The following ZNF365 variants were observed in gnomAD, a reference collection of about 807,000 sequenced individuals.
ZNF365 encodes the protein zinc finger protein 365.
ZNF365 carries 22 observed loss-of-function variants against 35.0 expected under a neutral mutation model. The observed-to-expected ratio is 0.63, with a 90% CI of 0.45 to 0.90. The LOEUF is 0.90. Ranked by LOEUF, ZNF365 falls within the 40% of genes least tolerant of loss-of-function variation. ZNF365 has a pLI of 0.00. For synonymous variants in ZNF365, 188 were observed against 196.2 expected, an observed-to-expected ratio of 0.96 and a Z score of 0.35; for missense variants, 448 against 500.3, an observed-to-expected ratio of 0.90 and a Z score of 1.00.
chr10:62,408,203 C>A (rs998809538), intron 3 of ZNF365, among the ~76,000 whole-genome samples: 1 of 152,092 alleles, frequency 6.6e-6, no homozygotes, highest in East Asian at 1.9e-4. Flanking sequence ...CACATGGGAA[C>A]AACCATGAAG....
intron 2 of ZNF365, among the ~76,000 whole-genome samples, chr10:62,388,156 C>G (rs1223060461): frequency 6.6e-6 from 1 of 152,194 alleles, no homozygotes; most frequent in African/African-American, 2.4e-5. Context: ...TTTCAATTTT[C>G]TTAGCACTTA....
intron 2 of ZNF365, among the ~76,000 whole-genome samples, chr10:62,384,260 AC>A (rs764470084): frequency 6.6e-6 from 1 of 152,120 alleles, no homozygotes; most frequent in Non-Finnish European, 1.5e-5. Context: ...TCCAGCTTTC[AC>A]ACTGTATTCT....
intron 2 of ZNF365, among the ~76,000 whole-genome samples, chr10:62,377,340 G>A (rs911740802): frequency 3.9e-5 from 6 of 152,180 alleles, no homozygotes; most frequent in African/African-American, 1.2e-4. Context: ...TAAAGTCAAT[G>A]CAAGATGCTG....
intron 3 of ZNF365, among the ~76,000 whole-genome samples, chr10:62,444,853 C>T (rs1589457223): frequency 6.6e-6 from 1 of 151,976 alleles, no homozygotes; most frequent in East Asian, 1.9e-4. Flanking sequence ...TATACATGTG[C>T]CATGCTGGTG....
intron 4 of ZNF365, among the ~76,000 whole-genome samples, chr10:62,473,393 T>C (rs894985761): frequency 1.3e-5 from 2 of 152,324 alleles, no homozygotes; most frequent in Admixed American, 1.3e-4. Context: ...TTTGCTGTTC[T>C]TATAGTTCCC....
intron 1 of ZNF365, 27 bp from the exon 2 acceptor site, chr10:62,376,154 G>A (rs764862837): frequency 1.9e-6 from 3 of 1,605,650 alleles, no homozygotes; most frequent in South Asian, 1.1e-5. Flanking sequence ...CAGCCGACTT[G>A]TAAACTACCT....
chr10:62,388,714 G>C (rs1341641704), intron 3 of ZNF365, 138 bp downstream of exon 3: 1 of 1,074,438 alleles, frequency 9.3e-7, no homozygotes, highest in Non-Finnish European at 1.3e-6. Context: ...GGCCATGCCT[G>C]TATTGTGGAA....
At chr10:62,393,631 T>A (rs1356895055) in intron 3 of ZNF365, among the ~76,000 whole-genome samples, 4 of 152,230 alleles carry the variant, frequency 2.6e-5, no homozygotes, top group African/African-American at 4.8e-5. Context: ...CATAAATACA[T>A]GCACAAAAAT....
intron 4 of ZNF365, among the ~76,000 whole-genome samples, chr10:62,476,742 A>T (rs1200444126): frequency 6.6e-6 from 1 of 152,236 alleles, no homozygotes; most frequent in African/African-American, 2.4e-5. Context: ...GCTTGATCTG[A>T]ATTGTTTTTA....
chr10:62,478,298 C>G (rs2132497355), intron 4 of ZNF365, among the ~76,000 whole-genome samples: 1 of 152,306 alleles, frequency 6.6e-6, no homozygotes, highest in South Asian at 2.1e-4. Flanking sequence ...CCACCAGTCT[C>G]TGTTGATTCT....
intron 2 of ZNF365, among the ~76,000 whole-genome samples, chr10:62,379,064 C>G (rs1839385328): frequency 6.8e-6 from 1 of 147,532 alleles, no homozygotes; most frequent in African/African-American, 2.5e-5. Flanking sequence ...ACTTTGTCAC[C>G]CAGGCTGGAG....
At chr10:62,404,166 G>T (rs1258036721), downstream of ZNF365, among the ~76,000 whole-genome samples, 1 of 152,136 alleles carries the variant, frequency 6.6e-6, no homozygotes, top group Non-Finnish European at 1.5e-5. Context: ...ATATAGGCAG[G>T]CTAGATTCTC....
intron 2 of ZNF365, among the ~76,000 whole-genome samples, chr10:62,387,353 A>G (rs1252236363): frequency 2.0e-5 from 3 of 152,176 alleles, no homozygotes; most frequent in African/African-American, 7.2e-5. Flanking sequence ...GATGGCTACC[A>G]AGATAATGGT....
At chr10:62,414,672 T>A (rs1840044611) in intron 3 of ZNF365, among the ~76,000 whole-genome samples, 2 of 152,218 alleles carry the variant, frequency 1.3e-5, no homozygotes, top group African/African-American at 4.8e-5. Context: ...CCTCCTTGTC[T>A]TGCCTTTGGC....
chr10:62,463,033 T>C (rs192324275), intron 4 of ZNF365, among the ~76,000 whole-genome samples: 2 of 152,328 alleles, frequency 1.3e-5, no homozygotes, highest in East Asian at 3.9e-4. Flanking sequence ...TTGTTGTGGA[T>C]CATTTAGCTA....
chr10:62,432,561 G>A (rs1407635149), intron 3 of ZNF365, among the ~76,000 whole-genome samples: 1 of 152,088 alleles, frequency 6.6e-6, no homozygotes, highest in Admixed American at 6.6e-5. Context: ...GACATTTCCT[G>A]GGTTCTTTTT....
At chr10:62,417,284 G>A (rs1840090115) in intron 3 of ZNF365, among the ~76,000 whole-genome samples, 1 of 152,040 alleles carries the variant, frequency 6.6e-6, no homozygotes, top group Non-Finnish European at 1.5e-5. Flanking sequence ...GTTTGGAGTA[G>A]ACTACTTCAG....
Position 62,467,904 on chromosome 10 carries a change from A to G in ZNF365, c.981+8107A>G, listed in dbSNP as rs191665944. Among the ~76,000 whole-genome samples, 8 of 152,282 alleles carry G rather than the reference A, an allele frequency of 5.3e-5. No individual in the cohort carries two copies. The East Asian group carries it at 1.5e-3, about 29-fold the overall frequency. ...GCATGGCTCTGTGACAAAACTTTCT[A>G]TTTAATTCACACTGAGACCCATCAT... On this transcript the variant is annotated intron_variant, in intron 4 of 4. Coordinates refer to the ZNF365 transcript ENST00000395255.
chr10:62,469,884 G>A lies in ZNF365; in HGVS notation c.982-9992G>A, dbSNP rs78140930. On this transcript the variant is annotated intron_variant, in intron 4 of 4. Coordinates refer to the ZNF365 transcript ENST00000395255. ...GGTAGCAACTGGTGAAGCCAGAACTGGAAATGATATCACATTTCAAAACCT... is the reference window on the plus strand; with the variant it reads ...GGTAGCAACTGGTGAAGCCAGAACTAGAAATGATATCACATTTCAAAACCT... Among the ~76,000 whole-genome samples the A allele has an allele frequency of 5.4e-3, 817 of 152,174 alleles. 3 individuals carry two copies. The highest frequency in any genetic ancestry group is 0.034 in the Middle Eastern group (10 of 294).
Sources: gnomAD v4.1 joint callset for allele counts (sites outside exome capture counted in the v4.1 genomes callset) on GRCh38, gnomAD v4.1.1 for gene constraint, MANE v1.5 for transcripts, NCBI Gene and HGNC (gene_info 2026-07-23, HGNC 2026-07-21) for gene names.